Variants in RABGEF1 observed in about 807,000 individuals in gnomAD.
The protein encoded by RABGEF1 is rab5 GDP/GTP exchange factor.
A neutral mutation model predicts 57.3 loss-of-function variants in RABGEF1; 26 were observed. The ratio of observed to expected loss-of-function variants is 0.45; its 90% CI spans 0.33 to 0.63. The LOEUF (loss-of-function observed/expected upper bound fraction) is 0.63. Ranked by LOEUF, RABGEF1 falls within the 20% of genes least tolerant of loss-of-function variation. The pLI is 0.02. For missense variants in RABGEF1, 464 were observed against 607.6 expected (o/e 0.76, Z 2.48); for synonymous variants, 185 against 210.7 (o/e 0.88, Z 1.06).
intron 1 of RABGEF1, among the ~76,000 whole-genome samples, chr7:66,700,849 G>C (rs1793140158): frequency 6.6e-6 from 1 of 152,226 alleles, no homozygotes; most frequent in Admixed American, 6.5e-5. Context: ...CAGCGGCCCA[G>C]GCCAGTGGGA....
chr7:66,786,273 C>T (rs1157159500), intron 4 of RABGEF1, among the ~76,000 whole-genome samples: 2 of 152,172 alleles, frequency 1.3e-5, no homozygotes, highest in African/African-American at 4.8e-5. Flanking sequence ...TCAAGAAACA[C>T]CTTGTCTACA....
upstream of RABGEF1, among the ~76,000 whole-genome samples, chr7:66,680,949 G>A (rs886668949): frequency 7.2e-5 from 11 of 152,168 alleles, no homozygotes; most frequent in African/African-American, 2.4e-4. Context: ...TGGGCATGGT[G>A]GCGGGCGCCT....
At chr7:66,665,579 G>A in the RABGEF1 span, among the ~76,000 whole-genome samples, 2 of 152,184 alleles carry the variant, frequency 1.3e-5, no homozygotes, top group African/African-American at 4.8e-5. Flanking sequence ...TCTGAGCTGA[G>A]TGACCCTGGG....
intron 1 of RABGEF1, among the ~76,000 whole-genome samples, chr7:66,690,647 A>C (rs1365078818): frequency 6.6e-6 from 1 of 151,600 alleles, no homozygotes; most frequent in African/African-American, 2.4e-5. Context: ...TTGAGGCTGC[A>C]GTGGGCCATG....
At chr7:66,773,085 T>G (rs532083442) in intron 2 of RABGEF1, among the ~76,000 whole-genome samples, 80 of 150,200 alleles carry the variant, frequency 5.3e-4, no homozygotes, top group African/African-American at 1.8e-3. Flanking sequence ...AGTTGTTTGT[T>G]TTTTTTTTTT....
rs543059696 is a variant in RABGEF1, at chr7:66,760,359, G to A, written c.-17-11524G>A. 2.6e-5 allele frequency among the ~76,000 whole-genome samples: 4 copies of A among 151,932 alleles called. No homozygotes were observed. The East Asian group carries it at 7.7e-4, about 29-fold the overall frequency. On this transcript the variant is annotated intron_variant, in intron 1 of 8. Transcript: ENST00000284957. ...TAATAGTTTGTTCTTTTTAGTGTTC[G>A]GTATTCTCTTGTGTGGTCATGCCCC...
chr7:66,694,042 C>G (rs1791954715), intron 1 of RABGEF1, among the ~76,000 whole-genome samples: 5 of 152,192 alleles, frequency 3.3e-5, no homozygotes, highest in Admixed American at 2.0e-4. Flanking sequence ...CTCCTGGCCT[C>G]AAGTGATCCA....
At chr7:66,757,485 T>G (rs1803043006) in intron 1 of RABGEF1, among the ~76,000 whole-genome samples, 1 of 152,254 alleles carries the variant, frequency 6.6e-6, no homozygotes, top group Non-Finnish European at 1.5e-5. Context: ...TGATTTATTT[T>G]TACTTACATT....
intron 1 of RABGEF1, among the ~76,000 whole-genome samples, chr7:66,688,977 C>CTTGGG (rs1275698342): frequency 1.9e-4 from 29 of 152,154 alleles, no homozygotes; most frequent in African/African-American, 6.8e-4. Context: ...CCTGTAATCC[C>CTTGGG]AGCTACTTGG....
At chr7:66,771,474 T>A (rs112764103) in intron 1 of RABGEF1, among the ~76,000 whole-genome samples, 1 of 152,302 alleles carries the variant, frequency 6.6e-6, no homozygotes, top group African/African-American at 2.4e-5. Context: ...AATGTATTTG[T>A]CTGATTTTGC....
chr7:66,742,333 G>A (rs1016500122), intron 1 of RABGEF1, among the ~76,000 whole-genome samples: 2 of 152,192 alleles, frequency 1.3e-5, no homozygotes, highest in Non-Finnish European at 2.9e-5. Context: ...GACCTTCCAA[G>A]CAGTCATGTT....
chr7:66,680,535 C>T (rs1783311928), upstream of RABGEF1, among the ~76,000 whole-genome samples: 4 of 151,288 alleles, frequency 2.6e-5, no homozygotes, highest in South Asian at 8.4e-4. Flanking sequence ...TGAGCCACCG[C>T]ACCCAGCCAT....
At chr7:66,808,754 C>A in intron 8 of RABGEF1, 132 bp from the exon 9 acceptor site, 2 of 1,003,972 alleles carry the variant, frequency 2.0e-6, no homozygotes, top group Non-Finnish European at 2.8e-6. Flanking sequence ...CTGAAATACA[C>A]AGAAGTTCAT....
At chr7:66,687,671 T>C (rs987895771) in intron 1 of RABGEF1, among the ~76,000 whole-genome samples, 1 of 152,014 alleles carries the variant, frequency 6.6e-6, no homozygotes. Context: ...GTAAAAAAAT[T>C]AGTTAAATAA....
At chr7:66,668,269 T>G in the RABGEF1 span, among the ~76,000 whole-genome samples, 1 of 152,128 alleles carries the variant, frequency 6.6e-6, no homozygotes, top group Non-Finnish European at 1.5e-5. Flanking sequence ...TTGTTTAATT[T>G]TTTTGTTTTT....
chr7:66,798,099 AG>A lies in RABGEF1; in HGVS notation c.728+594del, dbSNP rs542336959. ...GCTACCACACTCCAGCCTGGGCAAC[AG>A]AGCAAGACTCCTTCTCAAAAAAATA... On this transcript the variant is annotated intron_variant, in intron 6 of 8. Coordinates refer to ENST00000284957, the MANE Select transcript of RABGEF1 (RefSeq NM_014504.3). Among the ~76,000 whole-genome samples the A allele has an allele frequency of 3.4e-4, 52 of 152,346 alleles. 1 individual carries two copies. The highest frequency in any genetic ancestry group is 2.3e-3 in the Admixed American group (35 of 15,306).
intron 1 of RABGEF1, among the ~76,000 whole-genome samples, chr7:66,744,273 C>T (rs1468761271): frequency 6.6e-6 from 1 of 151,182 alleles, no homozygotes; most frequent in African/African-American, 2.4e-5. Context: ...TGGCTCACGC[C>T]TGTAATCCTC....
intron 1 of RABGEF1, among the ~76,000 whole-genome samples, chr7:66,741,020 C>A (rs972778070): frequency 1.3e-5 from 2 of 152,188 alleles, no homozygotes; most frequent in African/African-American, 4.8e-5. Flanking sequence ...CCTCAGAGTG[C>A]GGCCTCTCCG....
At chr7:66,717,189 T>C (rs1015373810) in intron 2 of RABGEF1, among the ~76,000 whole-genome samples, 1 of 152,260 alleles carries the variant, frequency 6.6e-6, no homozygotes, top group Non-Finnish European at 1.5e-5. Flanking sequence ...ATTATATCTC[T>C]TTGTGTAGTG....
Sources: allele counts gnomAD v4.1 joint callset (sites outside exome capture counted in the v4.1 genomes callset), GRCh38; gene constraint gnomAD v4.1.1; transcripts MANE v1.5; gene names NCBI Gene and HGNC (gene_info 2026-07-23, HGNC 2026-07-21).